The following DTNBP1 variants were observed in gnomAD, a reference collection of about 807,000 sequenced individuals.
DTNBP1 encodes dystrobrevin binding protein 1, also known as dysbindin.
DTNBP1 carries 35 observed loss-of-function variants against 42.8 expected under a neutral mutation model. That is an observed-to-expected ratio of 0.82 (90% CI 0.63 to 1.09). The LOEUF (loss-of-function observed/expected upper bound fraction) is 1.09. DTNBP1 is among the 50% of genes least tolerant of loss of function. DTNBP1 has a pLI of 0.00. For synonymous variants in DTNBP1, 171 were observed against 162.2 expected, an observed-to-expected ratio of 1.05 and a Z score of -0.41; for missense variants, 457 against 424.2, an observed-to-expected ratio of 1.08 and a Z score of -0.68.
At chr6:15,540,872 G>A (rs1773519680) in intron 7 of DTNBP1, among the ~76,000 whole-genome samples, 1 of 152,196 alleles carries the variant, frequency 6.6e-6, no homozygotes, top group African/African-American at 2.4e-5. Context: ...TCGATCTCCT[G>A]ACCTCGTGAT....
intron 7 of DTNBP1, among the ~76,000 whole-genome samples, chr6:15,586,788 G>A (rs1383302997): frequency 3.9e-5 from 6 of 152,104 alleles, no homozygotes; most frequent in South Asian, 2.1e-4. Context: ...TCCTCATTAA[G>A]ATCACCAATT....
chr6:15,650,302 C>T (rs1024093925), intron 3 of DTNBP1, among the ~76,000 whole-genome samples: 6 of 152,256 alleles, frequency 3.9e-5, no homozygotes, highest in East Asian at 1.9e-4. Flanking sequence ...GATGGAGTTT[C>T]GCTCTTGTTG....
intron 7 of DTNBP1, among the ~76,000 whole-genome samples, chr6:15,565,289 TTAAACA>T (rs1287789491): frequency 3.9e-5 from 6 of 152,106 alleles, no homozygotes; most frequent in African/African-American, 1.4e-4. Flanking sequence ...CTTTGAAAAG[TTAAACA>T]TAAACTTATC....
intron 6 of DTNBP1, among the ~76,000 whole-genome samples, chr6:15,603,938 C>T (rs1299206960): frequency 6.6e-6 from 1 of 152,082 alleles, no homozygotes; most frequent in African/African-American, 2.4e-5. Context: ...TCATGGAGAC[C>T]CTCTCAGAAA....
intron 3 of DTNBP1, among the ~76,000 whole-genome samples, chr6:15,643,890 G>T (rs1760521569): frequency 6.6e-6 from 1 of 151,896 alleles, no homozygotes; most frequent in Non-Finnish European, 1.5e-5. Flanking sequence ...AGACCACAAA[G>T]CAACTAGCTA....
chr6:15,589,033 C>G (rs1421240626), intron 7 of DTNBP1, among the ~76,000 whole-genome samples: 1 of 152,234 alleles, frequency 6.6e-6, no homozygotes, highest in Non-Finnish European at 1.5e-5. Flanking sequence ...ACCTGAGTCA[C>G]TTAAGTATTG....
chr6:15,561,860 CA>C (rs1774859994), intron 7 of DTNBP1, among the ~76,000 whole-genome samples: 2 of 152,194 alleles, frequency 1.3e-5, no homozygotes, highest in Admixed American at 6.5e-5. Context: ...CCATCAAAAC[CA>C]GAATGGTGAT....
intron 8 of DTNBP1, among the ~76,000 whole-genome samples, chr6:15,527,588 G>A (rs1302431088): frequency 6.6e-6 from 1 of 151,816 alleles, no homozygotes; most frequent in East Asian, 1.9e-4. Context: ...AATCAAGCCT[G>A]AATATTCAAC....
intron 9 of DTNBP1, 80 bp from the exon 10 acceptor site, chr6:15,523,299 TGCCC>T: frequency 6.3e-7 from 1 of 1,576,838 alleles, no homozygotes; most frequent in Non-Finnish European, 8.7e-7. Context: ...CTGTGGAATG[TGCCC>T]GTCATGAAAG....
chr6:15,557,304 T>A (rs1164928986), intron 7 of DTNBP1, among the ~76,000 whole-genome samples: 1 of 150,822 alleles, frequency 6.6e-6, no homozygotes, highest in Non-Finnish European at 1.5e-5. Context: ...TTAAGTTAGA[T>A]ATGATAAAGC....
intron 4 of DTNBP1, among the ~76,000 whole-genome samples, chr6:15,633,896 A>G (rs986304273): frequency 6.6e-6 from 1 of 152,204 alleles, no homozygotes; most frequent in Non-Finnish European, 1.5e-5. Flanking sequence ...TTTTTTATTT[A>G]AGGTATTACA....
chr6:15,572,028 T>C (rs1775360180), intron 7 of DTNBP1, among the ~76,000 whole-genome samples: 1 of 152,208 alleles, frequency 6.6e-6, no homozygotes, highest in Admixed American at 6.5e-5. Flanking sequence ...ATTGTTTTCA[T>C]TAAAGAAAGT....
At chr6:15,524,727 G>A in intron 8 of DTNBP1, 58 bp from the exon 9 acceptor site, 2 of 1,596,534 alleles carry the variant, frequency 1.3e-6, no homozygotes, top group Non-Finnish European at 1.7e-6. Flanking sequence ...TTTAAAAGGT[G>A]AACTTCCATT....
chr6:15,636,124 T>C (rs1760000404), intron 4 of DTNBP1, among the ~76,000 whole-genome samples: 1 of 150,576 alleles, frequency 6.6e-6, no homozygotes, highest in African/African-American at 2.5e-5. Flanking sequence ...CATTTGTTTT[T>C]GTTGGGTGTC....
intron 7 of DTNBP1, among the ~76,000 whole-genome samples, chr6:15,536,945 G>A (rs942543455): frequency 6.6e-6 from 1 of 152,232 alleles, no homozygotes; most frequent in Non-Finnish European, 1.5e-5. Flanking sequence ...TGCCCTGCTG[G>A]ATTTCAGACT....
In DTNBP1 at chr6:15,522,943, CCA is replaced by C; in HGVS notation, c.*30_*31del. The C allele has an allele frequency of 6.2e-7, 1 of 1,614,212 alleles. No individual in the cohort carries two copies. Among genetic ancestry groups the C allele is most frequent in the Non-Finnish European group, 8.5e-7 (1 of 1,180,042 alleles). ...TTCCGCATACAGCCAAAACTGGATT[CCA>C]GTGTGGCCAGACAACGCCCATGTCC... On this transcript the variant is annotated 3_prime_UTR_variant, in exon 10 of 10. Coordinates refer to ENST00000344537, the MANE Select transcript of DTNBP1 (RefSeq NM_032122.5).
At chr6:15,588,438 C>A (rs905859167) in intron 7 of DTNBP1, among the ~76,000 whole-genome samples, 3 of 152,196 alleles carry the variant, frequency 2.0e-5, no homozygotes, top group Non-Finnish European at 4.4e-5. Flanking sequence ...TTTAATCATG[C>A]ACCCCTGACA....
At chr6:15,626,098 C>T (rs971201770) in intron 5 of DTNBP1, among the ~76,000 whole-genome samples, 2 of 152,208 alleles carry the variant, frequency 1.3e-5, no homozygotes, top group African/African-American at 2.4e-5. Flanking sequence ...GCCTCATCAC[C>T]TCATCCTACT....
chr6:15,636,105 GA>G (rs776352125), intron 4 of DTNBP1, among the ~76,000 whole-genome samples: 10 of 151,306 alleles, frequency 6.6e-5, no homozygotes, highest in Non-Finnish European at 1.2e-4. Flanking sequence ...TTCATCCATG[GA>G]GAATTTGCAT....
Sources: gnomAD v4.1 joint callset for allele counts (sites outside exome capture counted in the v4.1 genomes callset) on GRCh38, gnomAD v4.1.1 for gene constraint, MANE v1.5 for transcripts, NCBI Gene and HGNC (gene_info 2026-07-23, HGNC 2026-07-21) for gene names.